The following PRKCA variants were observed in gnomAD, a reference collection of about 807,000 sequenced individuals.
PRKCA encodes the protein protein kinase C alpha, also known as protein kinase C alpha type.
PRKCA carries 27 observed loss-of-function variants against 87.0 expected under a neutral mutation model. The observed-to-expected ratio is 0.31, with a 90% CI of 0.23 to 0.43. PRKCA has a LOEUF of 0.43. PRKCA is among the 20% of genes least tolerant of loss of function. The probability of loss-of-function intolerance (pLI) is 1.00; values close to 1 mark genes in which losing one functional copy is unlikely to be tolerated. For synonymous variants in PRKCA, 329 were observed against 311.1 expected, an observed-to-expected ratio of 1.06 and a Z score of -0.61; for missense variants, 518 against 852.3, an observed-to-expected ratio of 0.61 and a Z score of 4.88.
chr17:66,386,280 TC>T (rs1392811122), intron 2 of PRKCA, among the ~76,000 whole-genome samples: 1 of 152,188 alleles, frequency 6.6e-6, no homozygotes, highest in Non-Finnish European at 1.5e-5. Context: ...TTGCAATTGT[TC>T]AGTAGTGCTT....
intron 14 of PRKCA, among the ~76,000 whole-genome samples, chr17:66,781,872 T>TATATATATATATAG (rs1568030624): frequency 9.1e-6 from 1 of 109,872 alleles, no homozygotes; most frequent in African/African-American, 3.0e-5. Flanking sequence ...GAGAGAGATA[T>TATATATATATATAG]ATATATATAT....
chr17:66,414,311 G>A (rs1426276415), intron 2 of PRKCA, among the ~76,000 whole-genome samples: 2 of 152,122 alleles, frequency 1.3e-5, no homozygotes, highest in Non-Finnish European at 2.9e-5. Flanking sequence ...TCGTTTAAAA[G>A]TGTGTAGCAC....
intron 3 of PRKCA, among the ~76,000 whole-genome samples, chr17:66,554,149 C>T (rs1968425214): frequency 6.6e-6 from 1 of 151,898 alleles, no homozygotes; most frequent in African/African-American, 2.4e-5. Context: ...GGTATGGTGG[C>T]TCACGCCTGT....
At chr17:66,677,782 G>C (rs185449194) in intron 5 of PRKCA, among the ~76,000 whole-genome samples, 204 of 152,286 alleles carry the variant, frequency 1.3e-3, no homozygotes, top group African/African-American at 4.8e-3. Flanking sequence ...TAAGTGAGTG[G>C]GTGTAGTAAA....
intron 10 of PRKCA, among the ~76,000 whole-genome samples, chr17:66,737,685 C>T (rs905931743): frequency 1.3e-4 from 20 of 152,312 alleles, no homozygotes; most frequent in African/African-American, 4.1e-4. Flanking sequence ...GTCAGCCTAG[C>T]GCTGGCGGCA....
rs115150123 is a variant in PRKCA, at chr17:66,303,690, G to A, written c.173+666G>A. Among the ~76,000 whole-genome samples the A allele has an allele frequency of 4.3e-3, 651 of 152,244 alleles. 5 individuals are homozygous for A. The highest frequency in any genetic ancestry group is 0.014 in the African/African-American group (593 of 41,540). ...GTTCTAGCAGGCAAATGGCACAAGG[G>A]CAGAGGGACTCATTTAAAATAGACC... On this transcript the variant is annotated intron_variant, in intron 1 of 16. Transcript: ENST00000413366.
intron 1 of PRKCA, among the ~76,000 whole-genome samples, chr17:66,303,740 C>T (rs571336872): frequency 6.6e-6 from 1 of 152,200 alleles, no homozygotes; most frequent in East Asian, 1.9e-4. Context: ...CGGTGGCTCA[C>T]GCCTGTAATC....
At chr17:66,688,793 C>T (rs1203422440) in intron 7 of PRKCA, among the ~76,000 whole-genome samples, 158 bp from the exon 8 acceptor site, 64 of 152,014 alleles carry the variant, frequency 4.2e-4, no homozygotes, top group Non-Finnish European at 2.9e-5. Context: ...ACAGAGCTAC[C>T]CTGTCTCAAA....
At position 66,732,739 on chromosome 17, in the gene PRKCA, A is replaced by G. The variant is rs754719581; in HGVS notation, c.970A>G (p.Arg324Gly). ...GNKVISPSEDRKQPSNNLDRV... is the reference protein window; with the variant it reads ...GNKVISPSEDGKQPSNNLDRV... The stretch of plus-strand genomic sequence containing the variant: ...CAAAGTCATCAGTCCCTCTGAAGAC[A>G]GGAAACAACCTTCCAACAACCTTGA... The change falls in exon 9 of 17, where the codon AGG becomes GGG. Residue 324 changes from arginine (R) to glycine (G), a missense_variant. This residue lies in a region of PRKCA where 300 missense variants were observed against 496.8 expected (regional missense o/e 0.60). Transcript: ENST00000413366. 1.2e-6 allele frequency: 2 copies of G among 1,614,226 alleles called. No homozygotes were observed. Among genetic ancestry groups the G allele is most frequent in the South Asian group, 1.1e-5 (1 of 91,076 alleles).
chr17:66,743,320 G>T (rs1974197968), intron 13 of PRKCA, among the ~76,000 whole-genome samples: 1 of 152,172 alleles, frequency 6.6e-6, no homozygotes, highest in Admixed American at 6.5e-5. Context: ...GCAAGACTCT[G>T]TCCCCCCAAA....
intron 2 of PRKCA, among the ~76,000 whole-genome samples, chr17:66,412,975 T>C (rs4624218): frequency 0.84 from 127,032 of 151,982 alleles, 53,551 homozygotes; most frequent in South Asian, 0.94. Flanking sequence ...GTGGAGATTC[T>C]GCACCCCCCA....
chr17:66,623,391 G>A (rs1970748975), intron 3 of PRKCA, among the ~76,000 whole-genome samples: 1 of 152,300 alleles, frequency 6.6e-6, no homozygotes, highest in Middle Eastern at 3.4e-3. Context: ...ATGTAATGGT[G>A]TGTCACCCAC....
intron 2 of PRKCA, among the ~76,000 whole-genome samples, chr17:66,485,207 A>G (rs1449223247): frequency 6.6e-6 from 1 of 152,234 alleles, no homozygotes; most frequent in Non-Finnish European, 1.5e-5. Flanking sequence ...AATTGAATGA[A>G]TAAAAGAATG....
At chr17:66,720,996 A>G (rs1342152467) in intron 8 of PRKCA, among the ~76,000 whole-genome samples, 1 of 152,214 alleles carries the variant, frequency 6.6e-6, no homozygotes, top group Non-Finnish European at 1.5e-5. Context: ...TACTGGAAAG[A>G]AGTCCCAATC....
chr17:66,688,259 T>G, intron 6 of PRKCA, 43 bp from the exon 7 acceptor site: 2 of 1,606,600 alleles, frequency 1.2e-6, no homozygotes, highest in Non-Finnish European at 1.7e-6. Flanking sequence ...CAAGAAACCA[T>G]GATCAAGATA....
At chr17:66,728,316 G>C (rs1047438533) in intron 8 of PRKCA, among the ~76,000 whole-genome samples, 8 of 152,184 alleles carry the variant, frequency 5.3e-5, no homozygotes, top group Admixed American at 3.3e-4. Flanking sequence ...GACGTGGTCA[G>C]CCTGCCCTGG....
chr17:66,577,959 G>A (rs62071745), intron 3 of PRKCA, among the ~76,000 whole-genome samples: 29,550 of 151,504 alleles, frequency 0.2, 3,282 homozygotes, highest in African/African-American at 0.3. Flanking sequence ...AGAAGCTGCC[G>A]CACACCTGCT....
intron 2 of PRKCA, among the ~76,000 whole-genome samples, chr17:66,390,689 C>G (rs6504421): frequency 1.3e-5 from 2 of 152,162 alleles, no homozygotes; most frequent in East Asian, 3.9e-4. Flanking sequence ...TGTGACCCCC[C>G]TGGGGTGCAC....
chr17:66,726,832 C>T (rs889102018), intron 8 of PRKCA, among the ~76,000 whole-genome samples: 1 of 151,874 alleles, frequency 6.6e-6, no homozygotes, highest in African/African-American at 2.4e-5. Context: ...TTAAGCGATT[C>T]TCCCACCTCA....
Sources: gnomAD v4.1 joint callset for allele counts (sites outside exome capture counted in the v4.1 genomes callset) on GRCh38, gnomAD v4.1.1 for gene constraint, gnomAD v4.1.1 regional missense constraint, MANE v1.5 for transcripts, NCBI Gene and HGNC (gene_info 2026-07-23, HGNC 2026-07-21) for gene names.